The following ADGRG2 variants were observed in gnomAD, a reference collection of about 807,000 sequenced individuals.
ADGRG2 encodes G protein-coupled receptor 64.
In ADGRG2, 26 loss-of-function variants were observed where a neutral mutation model predicts 74.1. The observed-to-expected ratio is 0.35, with a 90% confidence interval of 0.26 to 0.49. The LOEUF is 0.49. Among genes scored for constraint, ADGRG2 ranks in the 20% least tolerant of loss-of-function variants. ADGRG2 has a pLI of 0.99. For synonymous variants in ADGRG2, 296 were observed against 295.2 expected (o/e 1.00, Z -0.03); for missense variants, 619 against 763.1 (o/e 0.81, Z 2.22).
chrX:19,109,007 C>G (rs746115523), intron 1 of ADGRG2, among the ~76,000 whole-genome samples: 13 of 110,673 alleles, frequency 1.2e-4, no homozygotes, highest in Non-Finnish European at 2.5e-4. Context: ...AGTTCAAGAC[C>G]AGCCTGGGCA....
intron 3 of ADGRG2, among the ~76,000 whole-genome samples, chrX:19,065,446 G>T (rs1392073513): frequency 9.0e-6 from 1 of 111,355 alleles, no homozygotes; most frequent in Non-Finnish European, 1.9e-5. Context: ...ATTCATCAGA[G>T]ATCTGGAGCA....
At chrX:19,113,021 C>A in intron 1 of ADGRG2, among the ~76,000 whole-genome samples, 1 of 100,126 alleles carries the variant, frequency 1.0e-5, no homozygotes, top group Non-Finnish European at 2.0e-5. Flanking sequence ...TTACAAAGGA[C>A]AAAGAAAGGC....
rs1004663488 is a variant in ADGRG2 at position 19,023,010 on chromosome X, T to C, written c.548+406A>G. Among the ~76,000 whole-genome samples the C allele has an allele frequency of 6.2e-5, 7 of 112,480 alleles. No individual in the cohort carries two copies. The East Asian group carries it at 1.7e-3, about 27-fold the overall frequency. On this transcript the variant is annotated intron_variant, in intron 13 of 28. Coordinates refer to ENST00000379869, the MANE Select transcript of ADGRG2 (RefSeq NM_001079858.3). ...CCACACCCAGCCATGTTCTTTTCTC[T>C]TTCTTTCCAATCTTTTCCTTCCCCC...
At chrX:19,025,668 G>A (rs1172380886) in intron 11 of ADGRG2, among the ~76,000 whole-genome samples, 1 of 111,096 alleles carries the variant, frequency 9.0e-6, no homozygotes. Context: ...GGCCGAGGTG[G>A]GCAGAACACT....
chrX:19,009,443 G>C (rs904406268), intron 18 of ADGRG2, among the ~76,000 whole-genome samples, 183 bp downstream of exon 18: 3 of 111,589 alleles, frequency 2.7e-5, no homozygotes, highest in African/African-American at 9.8e-5. Context: ...CTCCCAAAGT[G>C]CTGGGATTAC....
Position 19,004,840 on chromosome X carries a change from C to G in ADGRG2, c.1879G>C (p.Ala627Pro). The stretch of plus-strand genomic sequence containing the variant: ...CCAATATATGTAATGAACGTCAGAG[C>G]CATCATTTGAGCAGGCAGCACAGAT... ...RTSVLPAQMM[A>P]LTFITYIGCG... Residue 627 changes from alanine (A) to proline (P), a missense_variant, in exon 23 of 29, where the codon GCT becomes CCT. This residue lies in a region of ADGRG2 where 221 missense variants were observed against 340.6 expected (regional missense o/e 0.65). Transcript: ENST00000379869. 8.3e-7 allele frequency: 1 copy of G among 1,201,039 alleles called. No homozygotes were observed. Among genetic ancestry groups the G allele is most frequent in the Non-Finnish European group, 1.1e-6 (1 of 886,317 alleles).
intron 1 of ADGRG2, among the ~76,000 whole-genome samples, chrX:19,121,901 C>G (rs1377460741): frequency 8.9e-6 from 1 of 111,866 alleles, no homozygotes; most frequent in African/African-American, 3.2e-5. Context: ...CCCCGGCGTG[C>G]TCACCCCCTG....
intron 1 of ADGRG2, among the ~76,000 whole-genome samples, chrX:19,084,388 G>C (rs2061905423): frequency 9.0e-6 from 1 of 110,644 alleles, no homozygotes; most frequent in Admixed American, 9.6e-5. Flanking sequence ...GTGATGGGTT[G>C]ATAGGTATAG....
At chrX:19,007,869 G>A (rs771427060) in intron 19 of ADGRG2, 111 bp downstream of exon 19, 588 of 581,016 alleles carry the variant, frequency 1.0e-3, no homozygotes, top group Admixed American at 1.5e-3. Context: ...GCAGCATTTC[G>A]GCAATTCATT....
chrX:19,038,677 A>G (rs897203075), intron 4 of ADGRG2, among the ~76,000 whole-genome samples: 1 of 111,649 alleles, frequency 9.0e-6, no homozygotes, highest in Non-Finnish European at 1.9e-5. Context: ...ACCTCTGGGC[A>G]TGGCTGCCCA....
chrX:19,025,365 T>C (rs1215088596), intron 11 of ADGRG2, among the ~76,000 whole-genome samples: 1 of 111,165 alleles, frequency 9.0e-6, no homozygotes, highest in Non-Finnish European at 1.9e-5. Flanking sequence ...ACTGGGATTT[T>C]TGAAAGCTCC....
chrX:19,074,639 G>A (rs1367642099), intron 2 of ADGRG2, among the ~76,000 whole-genome samples: 3 of 96,972 alleles, frequency 3.1e-5, no homozygotes, highest in Non-Finnish European at 4.0e-5. Context: ...GCATGATCTC[G>A]GCTCACTGCA....
At chrX:19,036,616 A>AAC (rs534574581) in intron 6 of ADGRG2, among the ~76,000 whole-genome samples, 7,746 of 94,599 alleles carry the variant, frequency 0.082, 462 homozygotes, top group African/African-American at 0.2. Context: ...TCATACTTAA[A>AAC]ACACACACAC....
At chrX:19,006,570 G>A (rs1389301991) in intron 20 of ADGRG2, among the ~76,000 whole-genome samples, 1 of 109,784 alleles carries the variant, frequency 9.1e-6, no homozygotes, top group African/African-American at 3.3e-5. Context: ...CAAACTCCCA[G>A]GTGATGCTGA....
At chrX:19,023,667 T>C (rs112576385) in intron 12 of ADGRG2, among the ~76,000 whole-genome samples, 1 of 111,998 alleles carries the variant, frequency 8.9e-6, no homozygotes, top group Non-Finnish European at 1.9e-5. Flanking sequence ...AGGAAGCTCA[T>C]TTTCTTGGAG....
chrX:19,036,027 C>A (rs2060932761), intron 6 of ADGRG2, 50 bp from the exon 7 acceptor site: 1 of 608,558 alleles, frequency 1.6e-6, no homozygotes, highest in Non-Finnish European at 2.6e-6. Flanking sequence ...GGTTTACAAA[C>A]ATGTGTGTCT....
At chrX:19,022,607 G>C (rs779873788) in intron 13 of ADGRG2, among the ~76,000 whole-genome samples, 1 of 112,075 alleles carries the variant, frequency 8.9e-6, no homozygotes, top group African/African-American at 3.2e-5. Flanking sequence ...AATTCAAAAT[G>C]ATAATCTGTG....
At chrX:19,105,204 G>A (rs1255222426) in intron 1 of ADGRG2, among the ~76,000 whole-genome samples, 1 of 111,935 alleles carries the variant, frequency 8.9e-6, no homozygotes, top group Non-Finnish European at 1.9e-5. Context: ...CAATCCTTCT[G>A]CCTCAGCCTG....
chrX:19,099,162 C>T (rs1035945877), intron 1 of ADGRG2, among the ~76,000 whole-genome samples: 22 of 109,418 alleles, frequency 2.0e-4, no homozygotes, highest in Admixed American at 1.6e-3. Flanking sequence ...CCAGCCTGGG[C>T]GATAGAGCGA....
Sources: gnomAD v4.1 joint callset for allele counts (sites outside exome capture counted in the v4.1 genomes callset) on GRCh38, gnomAD v4.1.1 for gene constraint, gnomAD v4.1.1 regional missense constraint, MANE v1.5 for transcripts, NCBI Gene and HGNC (gene_info 2026-07-23, HGNC 2026-07-21) for gene names.